The following APTX variants were observed in gnomAD, a reference collection of about 807,000 sequenced individuals.
APTX encodes aprataxin.
Under a neutral mutation model 42.3 loss-of-function variants are expected in APTX, and 33 were observed. The ratio of observed to expected loss-of-function variants is 0.78; its 90% CI spans 0.59 to 1.04. The LOEUF is 1.04. Ranked by LOEUF, APTX falls within the 50% of genes least tolerant of loss-of-function variation. The probability of loss-of-function intolerance (pLI) is 0.00; values close to 1 mark genes in which losing one functional copy is unlikely to be tolerated. For missense variants in APTX, 421 were observed against 415.1 expected, an observed-to-expected ratio of 1.01 and a Z score of -0.12; for synonymous variants, 130 against 146.7, an observed-to-expected ratio of 0.89 and a Z score of 0.82.
At chr9:32,996,699 G>C (rs1397362389) in intron 1 of APTX, among the ~76,000 whole-genome samples, 1 of 152,150 alleles carries the variant, frequency 6.6e-6, no homozygotes, top group Non-Finnish European at 1.5e-5. Flanking sequence ...CTTATTATTG[G>C]ATGTGGTCAA....
At chr9:32,994,362 C>A (rs1024661941) in intron 1 of APTX, among the ~76,000 whole-genome samples, 8 of 152,158 alleles carry the variant, frequency 5.3e-5, no homozygotes, top group Non-Finnish European at 8.8e-5. Context: ...TCTCAAGTCC[C>A]TCAGGCCTGA....
intron 1 of APTX, among the ~76,000 whole-genome samples, chr9:32,994,843 C>A (rs1834451206): frequency 6.6e-6 from 1 of 152,134 alleles, no homozygotes; most frequent in Admixed American, 6.5e-5. Flanking sequence ...CAGATGGAGA[C>A]TTTAAACTGA....
At position 32,983,361 on chromosome 9, in the gene APTX, GA is replaced by G. The variant is rs754141161; in HGVS notation, c.770+1269del. On this transcript the variant is annotated intron_variant, in intron 6 of 7. Coordinates refer to ENST00000379817, the MANE Select transcript of APTX (RefSeq NM_001195248.2). ...AAGGAAATAAAAGCAATGCTTGAGG[GA>G]GGATTAACTGGAAAGGGGCACAAGG... Among the ~76,000 whole-genome samples, 146 of 151,924 alleles carry G rather than the reference GA, an allele frequency of 9.6e-4. 1 individual carries two copies. Among genetic ancestry groups the G allele is most frequent in the Admixed American group, 1.7e-3 (26 of 15,260 alleles).
intron 1 of APTX, among the ~76,000 whole-genome samples, chr9:33,014,193 A>C (rs1419003706): frequency 6.6e-6 from 1 of 152,204 alleles, no homozygotes; most frequent in Non-Finnish European, 1.5e-5. Flanking sequence ...TGGATGTAGG[A>C]GTCTAAGCCA....
At chr9:33,005,116 T>TTTTTG (rs754739261), upstream of APTX, among the ~76,000 whole-genome samples, 2 of 152,126 alleles carry the variant, frequency 1.3e-5, no homozygotes, top group Non-Finnish European at 2.9e-5. Context: ...AATGGGGTTA[T>TTTTTG]TTTTGTTTTG....
At chr9:33,004,564 C>A (rs1161536776), upstream of APTX, among the ~76,000 whole-genome samples, 1 of 151,580 alleles carries the variant, frequency 6.6e-6, no homozygotes, top group African/African-American at 2.4e-5. Flanking sequence ...TCCATAGCAG[C>A]TGGATGATTT....
intron 1 of APTX, among the ~76,000 whole-genome samples, chr9:33,021,838 C>T (rs1423790176): frequency 6.6e-6 from 1 of 151,212 alleles, no homozygotes; most frequent in African/African-American, 2.4e-5. Context: ...TAAAATGGAA[C>T]AATGATTCCA....
At chr9:33,000,643 A>AAAAAG (rs1554672734) in intron 1 of APTX, among the ~76,000 whole-genome samples, 101 of 146,452 alleles carry the variant, frequency 6.9e-4, no homozygotes, top group East Asian at 5.5e-3. Context: ...AAAAAAAAAA[A>AAAAAG]AAAAGAAAAG....
intron 1 of APTX, among the ~76,000 whole-genome samples, chr9:33,014,991 G>A (rs1233967160): frequency 6.6e-6 from 1 of 152,226 alleles, no homozygotes; most frequent in South Asian, 2.1e-4. Flanking sequence ...GACCAATGAG[G>A]TTGTCAGTTT....
At chr9:33,001,452 A>G in intron 1 of APTX, 115 bp downstream of exon 1, 1 of 1,577,990 alleles carries the variant, frequency 6.3e-7, no homozygotes, top group Non-Finnish European at 8.6e-7. Flanking sequence ...AGAGCAGCGC[A>G]TGAAAGCAGC....
chr9:32,988,265 T>G, intron 2 of APTX, 136 bp from the exon 3 acceptor site: 1 of 754,254 alleles, frequency 1.3e-6, no homozygotes, highest in Non-Finnish European at 2.4e-6. Flanking sequence ...CTATTAGCAA[T>G]CACCTGTTAT....
At chr9:33,023,838 C>G (rs1838611693) in intron 1 of APTX, among the ~76,000 whole-genome samples, 1 of 152,204 alleles carries the variant, frequency 6.6e-6, no homozygotes, top group Non-Finnish European at 1.5e-5. Context: ...GCATATATAC[C>G]AACAGACAAA....
At chr9:33,009,120 T>G (rs577361881) in intron 1 of APTX, among the ~76,000 whole-genome samples, 1 of 152,374 alleles carries the variant, frequency 6.6e-6, no homozygotes, top group South Asian at 2.1e-4. Context: ...GGATCTAATT[T>G]TTAAGAGTTT....
chr9:33,008,852 G>A (rs992362949), intron 1 of APTX, among the ~76,000 whole-genome samples: 7 of 150,806 alleles, frequency 4.6e-5, no homozygotes, highest in African/African-American at 1.7e-4. Context: ...GCGTTGGCCT[G>A]ATTGATTTTT....
upstream of APTX, among the ~76,000 whole-genome samples, chr9:33,005,870 A>G (rs1306577416): frequency 6.6e-6 from 1 of 152,164 alleles, no homozygotes; most frequent in Non-Finnish European, 1.5e-5. Context: ...TACTTACTGA[A>G]TATCATTTAA....
At chr9:33,000,876 G>A (rs1836250551) in intron 1 of APTX, among the ~76,000 whole-genome samples, 1 of 113,542 alleles carries the variant, frequency 8.8e-6, no homozygotes, top group South Asian at 2.6e-4. Flanking sequence ...ACGGAGTTTC[G>A]CTCTTGGCAT....
Position 32,985,365 on chromosome 9 carries a change from G to A in APTX, c.544-508C>T, listed in dbSNP as rs910941234. Among the ~76,000 whole-genome samples the A allele has an allele frequency of 4.9e-4, 63 of 128,450 alleles. No homozygotes were observed. The East Asian group carries it at 6.6e-3, about 13-fold the overall frequency. 84.3% of individuals were successfully genotyped at this position (128,450 alleles called of 152,430 possible). A position where few individuals can be genotyped will look rare whatever the true frequency, so the allele number is the denominator to read the frequency against. ...TTTTTTTTTTTTGAGATGGAGTTTC[G>A]CTCTTGTTGCCCAGGCTGGAGTACA... On this transcript the variant is annotated intron_variant, in intron 5 of 7. Coordinates refer to ENST00000379817, the MANE Select transcript of APTX (RefSeq NM_001195248.2).
At chr9:33,019,297 G>C (rs563634067) in intron 1 of APTX, among the ~76,000 whole-genome samples, 6 of 151,960 alleles carry the variant, frequency 3.9e-5, no homozygotes, top group Non-Finnish European at 8.8e-5. Context: ...GAAATTGTAC[G>C]TAGTCAGAAG....
At chr9:33,001,213 C>A in intron 1 of APTX, 1 of 1,130,708 alleles carries the variant, frequency 8.8e-7, no homozygotes, top group Non-Finnish European at 1.2e-6. Context: ...CCTCAAGTGC[C>A]TTTCACGAAG....
Sources: gnomAD v4.1 joint callset for allele counts (sites outside exome capture counted in the v4.1 genomes callset) on GRCh38, gnomAD v4.1.1 for gene constraint, MANE v1.5 for transcripts, NCBI Gene and HGNC (gene_info 2026-07-23, HGNC 2026-07-21) for gene names.